NLRP8: variants seen among roughly 807,000 people sequenced by gnomAD.
NLRP8 encodes the protein NACHT, LRR and PYD domains-containing protein 8.
A neutral mutation model predicts 88.7 loss-of-function variants in NLRP8; 86 were observed. The observed-to-expected ratio is 0.97, with a 90% CI of 0.81 to 1.16. The LOEUF is 1.16. Among genes scored for constraint, NLRP8 ranks in the 50% most tolerant of loss-of-function variants. The probability of loss-of-function intolerance (pLI) is 0.00; values close to 1 mark genes in which losing one functional copy is unlikely to be tolerated. For synonymous variants in NLRP8, 504 were observed against 494.6 expected (o/e 1.02, Z -0.25); for missense variants, 1,342 against 1,286.5 (o/e 1.04, Z -0.66).
intron 3 of NLRP8, among the ~76,000 whole-genome samples, 156 bp downstream of exon 3, chr19:55,956,256 T>G (rs1032113284): frequency 6.6e-6 from 1 of 152,146 alleles, no homozygotes; most frequent in Admixed American, 6.6e-5. Flanking sequence ...TTTTGTTTTG[T>G]TTTTTGAGAC....
rs752039761 is a variant in NLRP8, at chr19:55,955,125, G to A, written c.1067G>A (p.Gly356Glu). Reference sequence around the variant, plus strand: ...TGTCCCTCTCTCGTAACCCTTCCGGGGTTTAATACGATGGAAAAAATCAAG... The same window carrying A: ...TGTCCCTCTCTCGTAACCCTTCCGGAGTTTAATACGATGGAAAAAATCAAG... The change falls in exon 3 of 10, where the codon GGG becomes GAG. Residue 356 changes from glycine to glutamate, a missense_variant. Physicochemically the swap from Gly to Glu is moderately conservative, Grantham distance 98. Transcript: ENST00000291971. The A allele has an allele frequency of 3.1e-6, 5 of 1,613,852 alleles. No individual in the cohort carries two copies. The African/African-American group carries it at 4.0e-5, about 13-fold the overall frequency.
In NLRP8 at chr19:55,959,996, A is replaced by G. The variant is rs74527206; in HGVS notation, c.2043-2071A>G. On this transcript the variant is annotated intron_variant, in intron 3 of 9. Transcript: ENST00000291971. ...GCTTGGGGGGTTCTTTCAGACCCCA[A>G]TAAAACTTGTTTGTGGAGGTCTGGG... Among the ~76,000 whole-genome samples the G allele has an allele frequency of 3.7e-3, 563 of 152,282 alleles. 4 individuals are homozygous for G. The highest frequency in any genetic ancestry group is 0.02 in the South Asian group (98 of 4,824).
At chr19:55,983,818 CAAAAAAAAAAA>C (rs56312019) in intron 9 of NLRP8, among the ~76,000 whole-genome samples, 12 of 84,658 alleles carry the variant, frequency 1.4e-4, no homozygotes, top group African/African-American at 3.1e-4. Flanking sequence ...CTAGTAGATG[CAAAAAAAAAAA>C]AAAAAAAAAA....
intron 4 of NLRP8, among the ~76,000 whole-genome samples, chr19:55,963,257 G>T (rs979366708): frequency 2.6e-5 from 4 of 152,100 alleles, no homozygotes; most frequent in Middle Eastern, 3.2e-3. Flanking sequence ...CAAGTGATCT[G>T]CCCTCCTCGG....
chr19:55,964,517 C>G (rs1054245899), intron 4 of NLRP8, among the ~76,000 whole-genome samples: 1 of 152,070 alleles, frequency 6.6e-6, no homozygotes, highest in Non-Finnish European at 1.5e-5. Context: ...TTTGGGAAGC[C>G]AAGGTGGGCG....
At chr19:55,962,015 A>G in intron 3 of NLRP8, 52 bp from the exon 4 acceptor site, 2 of 1,586,246 alleles carry the variant, frequency 1.3e-6, no homozygotes, top group Admixed American at 1.8e-5. Flanking sequence ...TTCCTAGTAG[A>G]TTTTCTCCAG....
chr19:55,970,242 A>G (rs1359389381), intron 5 of NLRP8, among the ~76,000 whole-genome samples: 2 of 152,166 alleles, frequency 1.3e-5, no homozygotes, highest in African/African-American at 4.8e-5. Flanking sequence ...ATAAATATAC[A>G]CAATTATATT....
intron 5 of NLRP8, 141 bp from the exon 6 acceptor site, chr19:55,970,403 G>C: frequency 1.1e-6 from 1 of 922,798 alleles, no homozygotes; most frequent in Admixed American, 2.4e-5. Context: ...GCTTGGTGCA[G>C]GTGTGCTGGC....
At chr19:55,956,440 C>T (rs944269823) in intron 3 of NLRP8, among the ~76,000 whole-genome samples, 2 of 152,216 alleles carry the variant, frequency 1.3e-5, no homozygotes, top group Non-Finnish European at 1.5e-5. Context: ...GATGGGGTTT[C>T]ACCATGTTGG....
chr19:55,948,301 TG>T, intron 1 of NLRP8, 32 bp downstream of exon 1: 1 of 1,580,982 alleles, frequency 6.3e-7, no homozygotes, highest in South Asian at 1.2e-5. Context: ...AAAGTGGGGG[TG>T]GGCTTGGCTG....
At chr19:55,948,387 G>A (rs2123178191) in intron 1 of NLRP8, 118 bp downstream of exon 1, 2 of 1,052,280 alleles carry the variant, frequency 1.9e-6, no homozygotes, top group Non-Finnish European at 2.8e-6. Flanking sequence ...AACAGTGGAG[G>A]AAGATAATGG....
intron 9 of NLRP8, among the ~76,000 whole-genome samples, chr19:55,981,827 TG>T (rs1980584014): frequency 1.3e-5 from 2 of 150,440 alleles, no homozygotes; most frequent in South Asian, 2.1e-4. Context: ...GCAATCACAA[TG>T]TTTTTTTTCC....
Position 55,955,054 on chromosome 19 carries a change from CATG to C in NLRP8, c.999_1001del (p.Met333del), listed in dbSNP as rs1227771060. The C allele has an allele frequency of 1.2e-6, 2 of 1,614,106 alleles. No individual in the cohort carries two copies. Among genetic ancestry groups the C allele is most frequent in the East Asian group, 2.2e-5 (1 of 44,880 alleles). Reference sequence around the variant, plus strand: ...TGCTTCCAGAGGCCACGCTACTGATCATGATAAGATTTACCTCTTGGCAGACAT... The same window carrying C: ...TGCTTCCAGAGGCCACGCTACTGATCATAAGATTTACCTCTTGGCAGACAT... On this transcript the variant is annotated inframe_deletion, in exon 3 of 10. Coordinates refer to ENST00000291971, the MANE Select transcript of NLRP8 (RefSeq NM_176811.2).
chr19:55,966,092 C>A (rs1211307930), intron 4 of NLRP8, 121 bp from the exon 5 acceptor site: 4 of 766,562 alleles, frequency 5.2e-6, no homozygotes, highest in Admixed American at 2.2e-5. Context: ...AGTTGTAAAC[C>A]CCCTGAGAGT....
intron 9 of NLRP8, among the ~76,000 whole-genome samples, chr19:55,986,358 CCACT>C (rs1221459226): frequency 6.7e-6 from 1 of 149,526 alleles, no homozygotes; most frequent in Non-Finnish European, 1.5e-5. Context: ...TGTCTCACAC[CCACT>C]CACACAGTCT....
At chr19:55,964,965 G>A (rs2123204886) in intron 4 of NLRP8, among the ~76,000 whole-genome samples, 1 of 152,234 alleles carries the variant, frequency 6.6e-6, no homozygotes, top group South Asian at 2.1e-4. Flanking sequence ...AGAGGTGCAA[G>A]GCAAATCTGT....
chr19:55,983,004 G>A lies in NLRP8; in HGVS notation c.3047+3440G>A, dbSNP rs540546607. On this transcript the variant is annotated intron_variant, in intron 9 of 9. Transcript: ENST00000291971. Reference sequence around the variant, plus strand: ...AGGAACAAGGAGCCTGATTGAATGAGTTCCCACCGGCCAAATCTGGAATAA... The same window carrying A: ...AGGAACAAGGAGCCTGATTGAATGAATTCCCACCGGCCAAATCTGGAATAA... 3.5e-4 allele frequency among the ~76,000 whole-genome samples: 53 copies of A among 152,200 alleles called. 1 individual carries two copies. The highest frequency in any genetic ancestry group is 1.3e-3 in the African/African-American group (52 of 41,550).
chr19:55,978,719 A>C (rs923830608), intron 8 of NLRP8, among the ~76,000 whole-genome samples: 1 of 152,144 alleles, frequency 6.6e-6, no homozygotes, highest in African/African-American at 2.4e-5. Context: ...TGCCTCCCCA[A>C]CTTTTCAGTG....
At position 55,988,138 on chromosome 19, in the gene NLRP8, A is replaced by AT. The variant is rs1980941880; in HGVS notation, c.*225_*226insT. 2 of 387,166 alleles carry AT rather than the reference A, an allele frequency of 5.2e-6. No homozygotes were observed. Among genetic ancestry groups the AT allele is most frequent in the South Asian group, 3.1e-5 (1 of 32,536 alleles). The allele number at this position is 387,166 out of a possible 1,614,324, so 24.0% of individuals were successfully genotyped here. ...CTGGGCGTGGTGGCTCACGCCTGTA[A>AT]CCCAGCACTATGGGAGGTCGAGGTG... On this transcript the variant is annotated 3_prime_UTR_variant, in exon 10 of 10. Transcript: ENST00000291971.
Sources: gnomAD v4.1 joint callset for allele counts (sites outside exome capture counted in the v4.1 genomes callset) on GRCh38, gnomAD v4.1.1 for gene constraint, MANE v1.5 for transcripts, NCBI Gene and HGNC (gene_info 2026-07-23, HGNC 2026-07-21) for gene names.